The following SMYD3 variants were observed in gnomAD, a reference collection of about 807,000 sequenced individuals.
The protein encoded by SMYD3 is SET and MYND domain containing 3, also known as histone-lysine N-methyltransferase SMYD3.
A neutral mutation model predicts 57.7 loss-of-function variants in SMYD3; 36 were observed. The ratio of observed to expected loss-of-function variants is 0.62; its 90% CI spans 0.48 to 0.82. The LOEUF is 0.82. Ranked by LOEUF, SMYD3 falls within the 40% of genes least tolerant of loss-of-function variation. SMYD3 has a pLI of 0.00. For missense variants in SMYD3, 515 were observed against 538.8 expected (o/e 0.96, Z 0.44); for synonymous variants, 211 against 195.0 (o/e 1.08, Z -0.68).
intron 1 of SMYD3, among the ~76,000 whole-genome samples, chr1:246,494,487 G>A (rs541073930): frequency 3.3e-5 from 5 of 152,244 alleles, no homozygotes; most frequent in African/African-American, 1.2e-4. Flanking sequence ...AAATTCCACA[G>A]GTAAATGTGT....
intron 10 of SMYD3, among the ~76,000 whole-genome samples, chr1:245,787,030 T>C (rs2047071026): frequency 6.6e-6 from 1 of 152,244 alleles, no homozygotes; most frequent in Non-Finnish European, 1.5e-5. Flanking sequence ...TATAATTTGC[T>C]AGCAGGAAAA....
At chr1:246,132,177 T>C (rs946692188) in intron 5 of SMYD3, among the ~76,000 whole-genome samples, 4 of 152,130 alleles carry the variant, frequency 2.6e-5, no homozygotes, top group Non-Finnish European at 4.4e-5. Flanking sequence ...AAGTAGTGTA[T>C]ATATTAAATT....
chr1:246,055,461 T>A lies in SMYD3; in HGVS notation c.532-125524A>T, dbSNP rs374836081. Among the ~76,000 whole-genome samples, 450 of 152,238 alleles carry A rather than the reference T, an allele frequency of 3.0e-3. 4 individuals carry two copies. Among genetic ancestry groups the A allele is most frequent in the African/African-American group, 9.4e-3 (392 of 41,552 alleles). On this transcript the variant is annotated intron_variant, in intron 5 of 11. Coordinates refer to ENST00000490107, the MANE Select transcript of SMYD3 (RefSeq NM_001167740.2). The stretch of plus-strand genomic sequence containing the variant: ...AATAAAAGAAGACAAGAAAAAATTT[T>A]AAAAAATAATTACTATATGATCCAG...
chr1:246,201,346 A>G (rs1242644608), intron 5 of SMYD3, among the ~76,000 whole-genome samples: 2 of 152,200 alleles, frequency 1.3e-5, no homozygotes, highest in Non-Finnish European at 2.9e-5. Context: ...AAACCAGCGC[A>G]AGCCCAGCAC....
Position 245,755,315 on chromosome 1 carries a change from A to C in SMYD3, c.1186-5651T>G, listed in dbSNP as rs138676417. 1.2e-3 allele frequency among the ~76,000 whole-genome samples: 184 copies of C among 152,348 alleles called. 2 individuals are homozygous for C. The highest frequency in any genetic ancestry group is 3.7e-3 in the African/African-American group (152 of 41,584). ...TTATTGATATCTGTTTTGTGGCATA[A>C]AATGGTCTCTTTTGGTATTATAGTT... On this transcript the variant is annotated intron_variant, in intron 11 of 11. Transcript: ENST00000490107.
intron 10 of SMYD3, among the ~76,000 whole-genome samples, chr1:245,784,681 C>G (rs539052265): frequency 6.6e-6 from 1 of 152,022 alleles, no homozygotes; most frequent in Non-Finnish European, 1.5e-5. Flanking sequence ...ACAAGAATGA[C>G]CTTTCTGGAA....
chr1:246,449,125 G>C lies in SMYD3; in HGVS notation c.164+57929C>G, dbSNP rs531793785. Among the ~76,000 whole-genome samples the C allele has an allele frequency of 1.1e-4, 16 of 152,228 alleles. No individual in the cohort carries two copies. The East Asian group carries it at 1.9e-3, about 18-fold the overall frequency. On this transcript the variant is annotated intron_variant, in intron 1 of 11. Transcript: ENST00000490107. ...CATGCCTGTAGTTCCAGCTACTCAG[G>C]GGGGACTGAGATGGGAGAGTCACTT...
At chr1:245,813,164 G>A (rs572520385) in intron 10 of SMYD3, among the ~76,000 whole-genome samples, 7 of 151,794 alleles carry the variant, frequency 4.6e-5, no homozygotes, top group African/African-American at 7.3e-5. Context: ...ACAGGCGCCC[G>A]CCACCACGCC....
In SMYD3 at chr1:246,203,356, G is replaced by A. The variant is rs2062948915; in HGVS notation, c.531+123845C>T. Reference sequence around the variant, plus strand: ...ATCTCTGCTCCATCAATTCTCTCCCGCTTCTGGACGCCAGCACCTCCCCAT... The same window carrying A: ...ATCTCTGCTCCATCAATTCTCTCCCACTTCTGGACGCCAGCACCTCCCCAT... On this transcript the variant is annotated intron_variant, in intron 5 of 11. Coordinates refer to ENST00000490107, the MANE Select transcript of SMYD3 (RefSeq NM_001167740.2). This position sits in a 1 kb window ranked among gnomAD's most constrained non-coding sequence, Gnocchi z 4.6. Among the ~76,000 whole-genome samples, 7 of 152,092 alleles carry A rather than the reference G, an allele frequency of 4.6e-5. No individual in the cohort carries two copies. The highest frequency in any genetic ancestry group is 2.0e-4 in the Admixed American group (3 of 15,278).
chr1:246,338,379 T>C (rs1054931597), intron 2 of SMYD3, among the ~76,000 whole-genome samples: 1 of 152,228 alleles, frequency 6.6e-6, no homozygotes, highest in African/African-American at 2.4e-5. Flanking sequence ...CTCAACAAAC[T>C]AACCTTGGTC....
intron 5 of SMYD3, among the ~76,000 whole-genome samples, chr1:246,012,339 G>A (rs1357404313): frequency 1.3e-5 from 2 of 152,130 alleles, no homozygotes; most frequent in African/African-American, 4.8e-5. Context: ...CAAATGTACC[G>A]GTTATCAATA....
chr1:246,034,439 A>G (rs991955602), intron 5 of SMYD3: 1 of 152,242 alleles, frequency 6.6e-6, no homozygotes, highest in African/African-American at 2.4e-5. Context: ...ACAGTCAAAA[A>G]AGATGAATCA....
chr1:245,757,674 A>T (rs1249595463), intron 11 of SMYD3, among the ~76,000 whole-genome samples: 2 of 152,172 alleles, frequency 1.3e-5, no homozygotes, highest in African/African-American at 4.8e-5. Context: ...CTATTTGTTG[A>T]AGAGACTGTC....
In SMYD3 at chr1:245,928,031, A is replaced by T; in HGVS notation, c.602T>A (p.Ile201Asn). The T allele has an allele frequency of 1.2e-6, 2 of 1,610,100 alleles. No homozygotes were observed. The highest frequency in any genetic ancestry group is 1.7e-6 in the Non-Finnish European group (2 of 1,177,420). ...QEVGVGLYPS[I>N]SLLNHSCDPN... ...GTCACAGCTGTGATTGAGCAAAGAG[A>T]TACTGGAAAAAAAAAGGGGGGAAGA... The change falls in exon 7 of 12, where the codon ATC becomes AAC. Residue 201 changes from isoleucine to asparagine, a missense_variant and splice_region_variant. Ile to Asn is a moderately radical substitution (Grantham distance 149, BLOSUM62 -3). Coordinates refer to ENST00000490107, the MANE Select transcript of SMYD3 (RefSeq NM_001167740.2).
intron 5 of SMYD3, among the ~76,000 whole-genome samples, chr1:246,321,041 A>C (rs957288437): frequency 7.2e-5 from 11 of 152,246 alleles, no homozygotes; most frequent in Non-Finnish European, 1.5e-4. Context: ...TGTTGGCAAC[A>C]GTACATGATT....
intron 9 of SMYD3, among the ~76,000 whole-genome samples, chr1:245,862,747 C>T (rs1006980964): frequency 3.3e-5 from 5 of 152,168 alleles, no homozygotes; most frequent in African/African-American, 9.7e-5. Flanking sequence ...GATTACTTTT[C>T]GTCAAATCCC....
chr1:245,902,130 C>T (rs943564578), intron 8 of SMYD3, among the ~76,000 whole-genome samples: 7 of 152,174 alleles, frequency 4.6e-5, no homozygotes, highest in African/African-American at 1.7e-4. Context: ...CCCATATCCA[C>T]TCAGAGGGCT....
rs532758716 is a variant in SMYD3, at chr1:246,184,969, C to A, written c.531+142232G>T. 2.6e-5 allele frequency among the ~76,000 whole-genome samples: 4 copies of A among 152,312 alleles called. No individual in the cohort carries two copies. In the South Asian group the frequency reaches 8.3e-4, roughly 32 times the overall value. ...TGCTTAATAGTGACTACCCAAACAG[C>A]AGGAATAAAAGTTTCAATTTGTTTC... On this transcript the variant is annotated intron_variant, in intron 5 of 11. Transcript: ENST00000490107.
At chr1:245,868,637 G>A (rs2052011666) in intron 8 of SMYD3, among the ~76,000 whole-genome samples, 1 of 152,204 alleles carries the variant, frequency 6.6e-6, no homozygotes, top group Non-Finnish European at 1.5e-5. Context: ...GAGCAAGCAA[G>A]CTTTGAAACT....
Sources: gnomAD v4.1 joint callset for allele counts (sites outside exome capture counted in the v4.1 genomes callset) on GRCh38, gnomAD v4.1.1 for gene constraint, Gnocchi (gnomAD v3.1) non-coding constraint, MANE v1.5 for transcripts, NCBI Gene and HGNC (gene_info 2026-07-23, HGNC 2026-07-21) for gene names.